Variants in GALNT13 observed in about 807,000 individuals in gnomAD.
The protein encoded by GALNT13 is UDP-GalNAc:polypeptide N-acetylgalactosaminyltransferase 13.
In GALNT13, 28 loss-of-function variants were observed where a neutral mutation model predicts 64.2. The ratio of observed to expected loss-of-function variants is 0.44; its 90% CI spans 0.32 to 0.60. The LOEUF (loss-of-function observed/expected upper bound fraction) is 0.60. GALNT13 is among the 20% of genes least tolerant of loss of function. GALNT13 has a pLI of 0.05. For missense variants in GALNT13, 577 were observed against 669.8 expected (o/e 0.86, Z 1.53); for synonymous variants, 214 against 224.6 (o/e 0.95, Z 0.42).
intron 3 of GALNT13, among the ~76,000 whole-genome samples, chr2:154,011,607 TC>T (rs1423536470): frequency 6.6e-6 from 1 of 152,200 alleles, no homozygotes; most frequent in Non-Finnish European, 1.5e-5. Flanking sequence ...AGTGTTGTAT[TC>T]AGTTCCTGGA....
the GALNT13 span, among the ~76,000 whole-genome samples, chr2:153,301,703 C>CCA: frequency 6.6e-6 from 1 of 152,102 alleles, no homozygotes; most frequent in East Asian, 1.9e-4. Flanking sequence ...ACCACATCCA[C>CCA]CACCCCAGTT....
At chr2:153,546,845 C>G in the GALNT13 span, among the ~76,000 whole-genome samples, 1 of 152,090 alleles carries the variant, frequency 6.6e-6, no homozygotes. Context: ...AATAATTGCC[C>G]CCTTTCCTAC....
chr2:154,166,335 G>A (rs1035042081), intron 4 of GALNT13, among the ~76,000 whole-genome samples: 2 of 152,162 alleles, frequency 1.3e-5, no homozygotes, highest in Non-Finnish European at 2.9e-5. Flanking sequence ...AACCCAGGAG[G>A]CAGAGGTTGC....
chr2:153,490,598 AT>A, the GALNT13 span, among the ~76,000 whole-genome samples: 1 of 152,160 alleles, frequency 6.6e-6, no homozygotes, highest in South Asian at 2.1e-4. Context: ...CATTTTACAA[AT>A]GTTGCCTCAA....
the GALNT13 span, among the ~76,000 whole-genome samples, chr2:153,244,039 A>G: frequency 1.4e-5 from 2 of 142,846 alleles, no homozygotes; most frequent in East Asian, 3.9e-4. Context: ...TTCCCTCTTG[A>G]AAACTATTTT....
At chr2:153,331,470 A>G in the GALNT13 span, among the ~76,000 whole-genome samples, 1 of 152,124 alleles carries the variant, frequency 6.6e-6, no homozygotes, top group South Asian at 2.1e-4. Flanking sequence ...TTACATGATC[A>G]CAAGGTTCCA....
chr2:153,217,237 T>G, the GALNT13 span, among the ~76,000 whole-genome samples: 1 of 152,060 alleles, frequency 6.6e-6, no homozygotes, highest in East Asian at 1.9e-4. Flanking sequence ...TTGTTTCCTC[T>G]CCAACATTCT....
intron 12 of GALNT13, among the ~76,000 whole-genome samples, chr2:154,446,072 A>G (rs1027887572): frequency 4.6e-5 from 7 of 152,066 alleles, no homozygotes; most frequent in African/African-American, 7.2e-5. Flanking sequence ...TTGTAAAAAC[A>G]TAAGTGGGAG....
the GALNT13 span, among the ~76,000 whole-genome samples, chr2:153,513,610 C>T: frequency 1.3e-4 from 20 of 152,174 alleles, no homozygotes. Flanking sequence ...GAACAAAACA[C>T]TTCAGTAATT....
chr2:153,358,569 G>C, the GALNT13 span, among the ~76,000 whole-genome samples: 1 of 152,110 alleles, frequency 6.6e-6, no homozygotes, highest in African/African-American at 2.4e-5. Context: ...TTGAAAAATA[G>C]CTGATATGGA....
chr2:153,677,961 A>G, the GALNT13 span, among the ~76,000 whole-genome samples: 1 of 152,074 alleles, frequency 6.6e-6, no homozygotes, highest in Non-Finnish European at 1.5e-5. Flanking sequence ...CATTCTGGAC[A>G]TAGGTCCCAG....
At chr2:153,136,552 T>C in the GALNT13 span, among the ~76,000 whole-genome samples, 1 of 151,948 alleles carries the variant, frequency 6.6e-6, no homozygotes, top group Non-Finnish European at 1.5e-5. Context: ...CAAGGCAAAG[T>C]AGAGAAATAT....
At chr2:153,164,745 C>T in the GALNT13 span, among the ~76,000 whole-genome samples, 5 of 152,114 alleles carry the variant, frequency 3.3e-5, no homozygotes, top group Admixed American at 2.6e-4. Context: ...ATGTTATTAA[C>T]TATAGGCACT....
At chr2:153,975,863 G>A (rs1694043243) in intron 3 of GALNT13, among the ~76,000 whole-genome samples, 2 of 151,970 alleles carry the variant, frequency 1.3e-5, no homozygotes, top group African/African-American at 4.8e-5. Flanking sequence ...GTAAAGTGAT[G>A]GATATGTTAA....
At chr2:154,155,959 G>T (rs190609681) in intron 4 of GALNT13, among the ~76,000 whole-genome samples, 1 of 151,728 alleles carries the variant, frequency 6.6e-6, no homozygotes, top group African/African-American at 2.4e-5. Flanking sequence ...TTTATGTATT[G>T]CATAATACAT....
At position 154,395,275 on chromosome 2, in the gene GALNT13, C is replaced by G. The variant is rs916723079; in HGVS notation, c.1157-716C>G. On this transcript the variant is annotated intron_variant, in intron 9 of 12. Coordinates refer to ENST00000392825, the MANE Select transcript of GALNT13 (RefSeq NM_052917.4). ...AAAAATTAGTAGCATTATTATTCCT[C>G]AACTAGAAAACATTCTTTTCTGATT... is the stretch of plus-strand genomic sequence containing the variant. Among the ~76,000 whole-genome samples the G allele has an allele frequency of 7.9e-5, 12 of 152,178 alleles. No homozygotes were observed. In the South Asian group the frequency reaches 2.5e-3, roughly 32 times the overall value.
intron 4 of GALNT13, among the ~76,000 whole-genome samples, chr2:154,240,544 A>G (rs1689425313): frequency 6.6e-6 from 1 of 152,140 alleles, no homozygotes; most frequent in African/African-American, 2.4e-5. Flanking sequence ...ACGGCGTGTG[A>G]TGGGGCTGTG....
chr2:153,114,032 A>G, the GALNT13 span, among the ~76,000 whole-genome samples: 1 of 151,976 alleles, frequency 6.6e-6, no homozygotes, highest in African/African-American at 2.4e-5. Flanking sequence ...GCCCAACCCC[A>G]TTTTAGCTAG....
the GALNT13 span, among the ~76,000 whole-genome samples, chr2:153,539,316 C>A: frequency 2.0e-5 from 3 of 151,910 alleles, no homozygotes; most frequent in Non-Finnish European, 2.9e-5. Context: ...GAGTAGGTTG[C>A]GAAAATTTTC....
Sources: gnomAD v4.1 joint callset for allele counts (sites outside exome capture counted in the v4.1 genomes callset) on GRCh38, gnomAD v4.1.1 for gene constraint, MANE v1.5 for transcripts, NCBI Gene and HGNC (gene_info 2026-07-23, HGNC 2026-07-21) for gene names.